The following ROBO2 variants were observed in gnomAD, a reference collection of about 807,000 sequenced individuals.
The protein encoded by ROBO2 is roundabout guidance receptor 2.
A neutral mutation model predicts 160.8 loss-of-function variants in ROBO2; 53 were observed. The observed-to-expected ratio is 0.33, with a 90% CI of 0.26 to 0.41. The LOEUF is 0.41. Among genes scored for constraint, ROBO2 ranks in the 10% least tolerant of loss-of-function variants. The probability of loss-of-function intolerance (pLI) is 1.00; values close to 1 mark genes in which losing one functional copy is unlikely to be tolerated. For missense variants in ROBO2, 1,577 were observed against 1,722.4 expected, an observed-to-expected ratio of 0.92 and a Z score of 1.49; for synonymous variants, 664 against 611.7, an observed-to-expected ratio of 1.09 and a Z score of -1.26.
At chr3:76,104,933 G>A (rs7643807) in intron 2 of ROBO2, among the ~76,000 whole-genome samples, 101,121 of 151,978 alleles carry the variant, frequency 0.67, 34,907 homozygotes, top group African/African-American at 0.86. Context: ...TCAAGGACCA[G>A]GTTAAGTGCT....
chr3:76,850,003 A>G (rs1378058594), intron 2 of ROBO2, among the ~76,000 whole-genome samples: 1 of 152,168 alleles, frequency 6.6e-6, no homozygotes, highest in African/African-American at 2.4e-5. Context: ...CCTGGCCAAC[A>G]TGGTGAAATC....
At chr3:76,446,536 A>G (rs561831427) in intron 2 of ROBO2, among the ~76,000 whole-genome samples, 89 of 152,262 alleles carry the variant, frequency 5.8e-4, no homozygotes, top group African/African-American at 2.0e-3. Flanking sequence ...ATTGGAAAAA[A>G]CTACTTTAAA....
intron 2 of ROBO2, among the ~76,000 whole-genome samples, chr3:76,456,178 T>C (rs1320203690): frequency 1.3e-5 from 2 of 152,182 alleles, no homozygotes; most frequent in Non-Finnish European, 2.9e-5. Flanking sequence ...ATCTTGCCAA[T>C]TGCAATACCA....
chr3:76,538,049 C>T (rs1409319448), intron 2 of ROBO2, among the ~76,000 whole-genome samples: 6 of 151,956 alleles, frequency 3.9e-5, no homozygotes, highest in African/African-American at 1.2e-4. Flanking sequence ...TGTGGTTTTT[C>T]GGCTGCTCCA....
chr3:76,693,156 T>A lies in ROBO2; in HGVS notation c.110-404858T>A, dbSNP rs192155679. ...ATATATGTGTATATACATACATAAG[T>A]CTCTCTCTCTATATATAGTGTATCT... On this transcript the variant is annotated intron_variant, in intron 2 of 26. Transcript: ENST00000487694. 2.0e-5 allele frequency among the ~76,000 whole-genome samples: 3 copies of A among 149,510 alleles called. No individual in the cohort carries two copies. The East Asian group carries it at 6.0e-4, about 30-fold the overall frequency.
intron 2 of ROBO2, among the ~76,000 whole-genome samples, chr3:77,277,502 G>C (rs2059966646): frequency 6.6e-6 from 1 of 151,926 alleles, no homozygotes; most frequent in East Asian, 1.9e-4. Context: ...CCCACTATGT[G>C]TCCATGTGTT....
chr3:77,590,793 CTTTT>C (rs1014283225), intron 17 of ROBO2, among the ~76,000 whole-genome samples: 1 of 151,882 alleles, frequency 6.6e-6, no homozygotes, highest in African/African-American at 2.4e-5. Flanking sequence ...GACTTTTCTT[CTTTT>C]TTTTAACAGC....
At chr3:76,497,742 G>A (rs1266652733) in intron 2 of ROBO2, among the ~76,000 whole-genome samples, 1 of 152,182 alleles carries the variant, frequency 6.6e-6, no homozygotes, top group African/African-American at 2.4e-5. Context: ...AGTTGAAGGT[G>A]TTCACAGAAA....
chr3:77,611,169 C>G (rs1406298087), intron 21 of ROBO2, among the ~76,000 whole-genome samples: 1 of 151,680 alleles, frequency 6.6e-6, no homozygotes, highest in Non-Finnish European at 1.5e-5. Context: ...GAGGTGGCGG[C>G]CGCCTGTAGT....
Position 77,316,951 on chromosome 3 carries a change from C to G in ROBO2, c.389-160463C>G. On this transcript the variant is annotated intron_variant, in intron 2 of 25. Coordinates refer to ENST00000461745, the Ensembl canonical transcript of ROBO2. The stretch of plus-strand genomic sequence containing the variant: ...CTGATACTTGGCTGCTGTTCCGAAG[C>G]GCGTGTTACTGTTTCCTGCTGTCCA... 5 of 1,338,742 alleles carry G rather than the reference C, an allele frequency of 3.7e-6. No individual in the cohort carries two copies. In the South Asian group the frequency reaches 5.9e-5, roughly 16 times the overall value. The allele number at this position is 1,338,742 out of a possible 1,614,324, so 82.9% of individuals were successfully genotyped here.
intron 1 of ROBO2, among the ~76,000 whole-genome samples, chr3:75,935,637 G>A (rs1947740828): frequency 6.6e-6 from 1 of 152,154 alleles, no homozygotes; most frequent in Non-Finnish European, 1.5e-5. Flanking sequence ...AAAGGCTGTT[G>A]ATTTTAGAAA....
intron 2 of ROBO2, among the ~76,000 whole-genome samples, chr3:77,430,707 G>T (rs2153541337): frequency 6.6e-6 from 1 of 152,212 alleles, no homozygotes; most frequent in Non-Finnish European, 1.5e-5. Flanking sequence ...AGACACTGCT[G>T]CCAACTCAAC....
chr3:76,445,337 A>G (rs1196184119), intron 2 of ROBO2, among the ~76,000 whole-genome samples: 3 of 152,196 alleles, frequency 2.0e-5, no homozygotes, highest in African/African-American at 7.2e-5. Context: ...CTTGAAATTG[A>G]GAGGGAAAGT....
rs181818097 is a variant in ROBO2, at chr3:76,685,552, C to G, written c.110-412462C>G. ...TCATTGTTGACTTCCGATCACTTAA[C>G]TATACTTTCCCCTTCTGCAGTTTTA... On this transcript the variant is annotated intron_variant, in intron 2 of 26. Transcript: ENST00000487694. Among the ~76,000 whole-genome samples the G allele has an allele frequency of 2.6e-3, 403 of 152,216 alleles. 2 individuals are homozygous for G. The highest frequency in any genetic ancestry group is 4.2e-3 in the Non-Finnish European group (283 of 68,006).
chr3:77,011,749 TG>T (rs2149467156), intron 2 of ROBO2, among the ~76,000 whole-genome samples: 1 of 152,290 alleles, frequency 6.6e-6, no homozygotes, highest in Non-Finnish European at 1.5e-5. Flanking sequence ...CATGAAGTTT[TG>T]TTAATTGCCC....
intron 2 of ROBO2, among the ~76,000 whole-genome samples, chr3:76,998,585 G>A (rs754553811): frequency 5.3e-5 from 8 of 152,100 alleles, no homozygotes; most frequent in Non-Finnish European, 1.0e-4. Context: ...GGAAACTGAG[G>A]CTCATAACAT....
At chr3:77,602,098 C>A in intron 19 of ROBO2, 112 bp from the exon 21 acceptor site, 1 of 1,090,764 alleles carries the variant, frequency 9.2e-7, no homozygotes, top group Non-Finnish European at 1.4e-6. Flanking sequence ...AAGCCCATCT[C>A]AGCTGAAATG....
At chr3:76,630,653 C>A (rs952178525) in intron 2 of ROBO2, among the ~76,000 whole-genome samples, 13 of 152,232 alleles carry the variant, frequency 8.5e-5, no homozygotes, top group African/African-American at 3.1e-4. Context: ...AGATTTTAAG[C>A]TAAGCCACCT....
At chr3:76,244,179 C>T (rs990215263) in intron 2 of ROBO2, among the ~76,000 whole-genome samples, 1 of 152,140 alleles carries the variant, frequency 6.6e-6, no homozygotes, top group African/African-American at 2.4e-5. Context: ...ATGTACACAG[C>T]CTGTAAGAGG....
Sources: gnomAD v4.1 joint callset for allele counts (sites outside exome capture counted in the v4.1 genomes callset) on GRCh38, gnomAD v4.1.1 for gene constraint, MANE v1.5 for transcripts, NCBI Gene and HGNC (gene_info 2026-07-23, HGNC 2026-07-21) for gene names.